Variants in RABEP1 observed in about 807,000 individuals in gnomAD.
The protein encoded by RABEP1 is rabaptin, RAB GTPase binding effector protein 1.
A neutral mutation model predicts 123.4 loss-of-function variants in RABEP1; 51 were observed. That is an observed-to-expected ratio of 0.41 (90% confidence interval 0.33 to 0.52). RABEP1 has a LOEUF of 0.52. Ranked by LOEUF, RABEP1 falls within the 20% of genes least tolerant of loss-of-function variation. The probability of loss-of-function intolerance (pLI) is 0.16; values close to 1 mark genes in which losing one functional copy is unlikely to be tolerated. For synonymous variants in RABEP1, 347 were observed against 355.2 expected (o/e 0.98, Z 0.26); for missense variants, 888 against 996.3 (o/e 0.89, Z 1.46).
At position 5,318,984 on chromosome 17, in the gene RABEP1, T is replaced by C. The variant is rs1318809992; in HGVS notation, c.163+10162T>C. Among the ~76,000 whole-genome samples, 4 of 152,168 alleles carry C rather than the reference T, an allele frequency of 2.6e-5. No homozygotes were observed. The East Asian group carries it at 7.7e-4, about 29-fold the overall frequency. On this transcript the variant is annotated intron_variant, in intron 2 of 17. Transcript: ENST00000537505. ...ATTTGATCATTTCACAATGTATAGA[T>C]GTATCAGAATACCACTTTGTACCCA...
chr17:5,344,589 G>A (rs993575033), intron 5 of RABEP1, among the ~76,000 whole-genome samples: 2 of 151,416 alleles, frequency 1.3e-5, no homozygotes, highest in African/African-American at 4.9e-5. Context: ...TGGATAACAC[G>A]GTGAAACCCG....
At chr17:5,298,777 T>G (rs981300139) in intron 1 of RABEP1, among the ~76,000 whole-genome samples, 10 of 151,874 alleles carry the variant, frequency 6.6e-5, no homozygotes, top group African/African-American at 2.4e-4. Context: ...TGCCTCAGCC[T>G]TCTGAGTAGC....
chr17:5,299,696 ATTTC>A (rs2075115289), intron 1 of RABEP1, among the ~76,000 whole-genome samples: 2 of 105,306 alleles, frequency 1.9e-5, no homozygotes, highest in South Asian at 6.6e-4. Context: ...CTCTGCACTC[ATTTC>A]TTTTTCTTTT....
chr17:5,368,902 A>T (rs1910306162), intron 12 of RABEP1, among the ~76,000 whole-genome samples: 1 of 151,928 alleles, frequency 6.6e-6, no homozygotes, highest in South Asian at 2.1e-4. Flanking sequence ...AGGTCAGGAG[A>T]TTGAGACCAT....
chr17:5,317,152 AACTT>A (rs1256295290), intron 2 of RABEP1, among the ~76,000 whole-genome samples: 1 of 152,126 alleles, frequency 6.6e-6, no homozygotes, highest in Non-Finnish European at 1.5e-5. Flanking sequence ...CATCACAAGA[AACTT>A]AGCCCAGTAT....
chr17:5,331,431 G>A (rs16954535), intron 2 of RABEP1, among the ~76,000 whole-genome samples: 2,465 of 152,246 alleles, frequency 0.016, 73 homozygotes, highest in African/African-American at 0.055. Context: ...CTTAAACCAT[G>A]TAGTAGGCAC....
At chr17:5,325,408 TAAATG>T (rs752241102) in intron 2 of RABEP1, among the ~76,000 whole-genome samples, 5 of 152,142 alleles carry the variant, frequency 3.3e-5, no homozygotes, top group Non-Finnish European at 5.9e-5. Context: ...GTCATTATGT[TAAATG>T]AAATAAGCCA....
intron 1 of RABEP1, among the ~76,000 whole-genome samples, chr17:5,299,736 T>TC (rs2075118765): frequency 8.0e-6 from 1 of 124,768 alleles, no homozygotes; most frequent in African/African-American, 3.2e-5. Flanking sequence ...TTTTTCTTTT[T>TC]TTTTTTTTTT....
intron 2 of RABEP1, among the ~76,000 whole-genome samples, chr17:5,322,645 T>C (rs548107960): frequency 6.6e-6 from 1 of 152,164 alleles, no homozygotes; most frequent in East Asian, 1.9e-4. Flanking sequence ...AAAAAAATAC[T>C]AGCAAGCTGA....
In RABEP1 at chr17:5,383,887, A is replaced by C. The variant is rs186148537; in HGVS notation, c.*664A>C. The C allele has an allele frequency of 2.7e-3, 611 of 222,938 alleles. 3 individuals are homozygous for C. Among genetic ancestry groups the C allele is most frequent in the Non-Finnish European group, 3.6e-3 (404 of 111,530 alleles). 13.8% of individuals were successfully genotyped at this position (222,938 alleles called of 1,614,324 possible). On this transcript the variant is annotated 3_prime_UTR_variant, in exon 18 of 18. Coordinates refer to ENST00000537505, the MANE Select transcript of RABEP1 (RefSeq NM_004703.6). ...AGGATCTGAAAACTTGGCTGGGGCT[A>C]TATATACTGGAAGTTGAAGGTTAAA...
chr17:5,378,100 C>T (rs1027020659), intron 14 of RABEP1, 77 bp from the exon 15 acceptor site: 2 of 1,135,574 alleles, frequency 1.8e-6, no homozygotes, highest in Non-Finnish European at 2.6e-6. Flanking sequence ...TTGGGGGGTG[C>T]TCTAAAATTT....
intron 17 of RABEP1, among the ~76,000 whole-genome samples, chr17:5,382,361 C>T (rs933997596): frequency 3.3e-5 from 5 of 151,574 alleles, no homozygotes; most frequent in Non-Finnish European, 7.4e-5. Context: ...GGATTACAGG[C>T]GTGAGCCACC....
chr17:5,341,787 C>T (rs1907635246), intron 5 of RABEP1, among the ~76,000 whole-genome samples: 1 of 152,224 alleles, frequency 6.6e-6, no homozygotes, highest in Admixed American at 6.5e-5. Context: ...GAAAATCTAT[C>T]ATTGCAGTGT....
intron 11 of RABEP1, 36 bp downstream of exon 11, chr17:5,365,274 A>G (rs952294326): frequency 3.0e-6 from 4 of 1,313,026 alleles, no homozygotes; most frequent in Middle Eastern, 3.8e-4. Flanking sequence ...CCCATGAGGG[A>G]TGACTGGGTT....
At chr17:5,314,671 A>G (rs1322325832) in intron 2 of RABEP1, among the ~76,000 whole-genome samples, 1 of 152,084 alleles carries the variant, frequency 6.6e-6, no homozygotes, top group Non-Finnish European at 1.5e-5. Context: ...GGCGCCCGCC[A>G]CCACGCCTGG....
intron 16 of RABEP1, 59 bp downstream of exon 16, chr17:5,380,521 TCTTG>T (rs982537956): frequency 1.5e-6 from 2 of 1,334,658 alleles, no homozygotes; most frequent in East Asian, 5.0e-5. Flanking sequence ...CAGGATCACA[TCTTG>T]CTTGTTGAAA....
At position 5,338,444 on chromosome 17, in the gene RABEP1, C is replaced by T. The variant is rs549805907; in HGVS notation, c.648+306C>T. Among the ~76,000 whole-genome samples, 10 of 152,222 alleles carry T rather than the reference C, an allele frequency of 6.6e-5. No homozygotes were observed. In the South Asian group the frequency reaches 1.2e-3, roughly 19 times the overall value. ...GCATGGTGGCGCATGCCTGTAATCC[C>T]GGCTGCTCCCAGCCTCGGGAGGCTG... On this transcript the variant is annotated intron_variant, in intron 5 of 17. Coordinates refer to ENST00000537505, the MANE Select transcript of RABEP1 (RefSeq NM_004703.6).
At chr17:5,357,474 C>T (rs972478768) in intron 8 of RABEP1, among the ~76,000 whole-genome samples, 2 of 151,902 alleles carry the variant, frequency 1.3e-5, no homozygotes, top group Admixed American at 6.6e-5. Context: ...TGGGTTCAAG[C>T]GATTCTCGTG....
At chr17:5,380,863 T>A (rs778054503) in intron 16 of RABEP1, among the ~76,000 whole-genome samples, 111 of 152,250 alleles carry the variant, frequency 7.3e-4, no homozygotes, top group Admixed American at 1.6e-3. Flanking sequence ...GTTGTGGGGG[T>A]AGTTTCCTAG....
Sources: gnomAD v4.1 joint callset for allele counts (sites outside exome capture counted in the v4.1 genomes callset) on GRCh38, gnomAD v4.1.1 for gene constraint, MANE v1.5 for transcripts, NCBI Gene and HGNC (gene_info 2026-07-23, HGNC 2026-07-21) for gene names.